ZNF583: variants seen among roughly 807,000 people sequenced by gnomAD.
ZNF583 encodes the protein zinc finger protein L3-5.
In ZNF583, 30 loss-of-function variants were observed where a neutral mutation model predicts 55.3. The observed-to-expected ratio is 0.54, with a 90% CI of 0.41 to 0.74. The LOEUF (loss-of-function observed/expected upper bound fraction) is 0.74, where lower values mean the gene tolerates loss of function less well. ZNF583 is among the 30% of genes least tolerant of loss of function. ZNF583 has a pLI of 0.00. For missense variants in ZNF583, 504 were observed against 664.7 expected, an observed-to-expected ratio of 0.76 and a Z score of 2.66; for synonymous variants, 208 against 220.0, an observed-to-expected ratio of 0.95 and a Z score of 0.48.
chr19:56,426,998 A>G lies in ZNF583; in HGVS notation c.*2630A>G, dbSNP rs182992513. The G allele has an allele frequency of 2.6e-5, 4 of 152,242 alleles. No homozygotes were observed. In the East Asian group the frequency reaches 7.7e-4, roughly 29 times the overall value. 9.4% of individuals were successfully genotyped at this position (152,242 alleles called of 1,614,324 possible). ...GAAATAATTTTGTAAAAGGCAAAAC[A>G]GGGAAGAGTGTTCATGAATTGTAGC... On this transcript the variant is annotated 3_prime_UTR_variant, in exon 5 of 5. Coordinates refer to ENST00000333201, the MANE Select transcript of ZNF583 (RefSeq NM_152478.3).
chr19:56,405,360 TACA>T (rs902056421), intron 1 of ZNF583, among the ~76,000 whole-genome samples: 4 of 152,132 alleles, frequency 2.6e-5, no homozygotes, highest in African/African-American at 9.7e-5. Flanking sequence ...CAGGGCGGGC[TACA>T]ATGTGGGGGC....
intron 4 of ZNF583, 68 bp downstream of exon 4, chr19:56,414,508 C>T: frequency 6.9e-7 from 1 of 1,447,520 alleles, no homozygotes; most frequent in East Asian, 2.3e-5. Flanking sequence ...TGAAAGATTT[C>T]AGTTCATAAT....
intron 4 of ZNF583, among the ~76,000 whole-genome samples, chr19:56,421,683 T>C (rs541728801): frequency 4.3e-4 from 66 of 152,324 alleles, no homozygotes; most frequent in African/African-American, 1.5e-3. Flanking sequence ...TTATGTCTTA[T>C]TGATTCAGTA....
rs2147624900 is a variant in ZNF583, at chr19:56,426,708, T to C, written c.*2340T>C. 1 of 152,204 alleles carries C rather than the reference T, an allele frequency of 6.6e-6. No individual in the cohort carries two copies. Among genetic ancestry groups the C allele is most frequent in the South Asian group, 2.1e-4 (1 of 4,826 alleles). The allele number at this position is 152,204 out of a possible 1,614,324, so 9.4% of individuals were successfully genotyped here. ...AGAAATACAGTTTAGGCCAATGAAA[T>C]ACTATTTTTTTCAATATCAGATTAA... On this transcript the variant is annotated 3_prime_UTR_variant, in exon 5 of 5. Coordinates refer to ENST00000333201, the MANE Select transcript of ZNF583 (RefSeq NM_152478.3).
At chr19:56,406,428 G>A (rs572076540) in intron 1 of ZNF583, among the ~76,000 whole-genome samples, 131 of 152,118 alleles carry the variant, frequency 8.6e-4, no homozygotes, top group Non-Finnish European at 1.4e-3. Flanking sequence ...ATGTGTGAAA[G>A]AGGGGGAAAT....
At chr19:56,413,925 C>G (rs2042276442) in intron 2 of ZNF583, 34 bp from the exon 3 acceptor site, 1 of 1,613,146 alleles carries the variant, frequency 6.2e-7, no homozygotes, top group South Asian at 1.1e-5. Flanking sequence ...GATATGAACA[C>G]TAGTTGAGCA....
At chr19:56,414,559 G>A in intron 4 of ZNF583, 119 bp downstream of exon 4, 2 of 850,282 alleles carry the variant, frequency 2.4e-6, no homozygotes, top group South Asian at 3.4e-5. Context: ...CTCAAAGCCT[G>A]GGAAGAAATA....
upstream of ZNF583, chr19:56,404,234 G>C (rs1046863144): frequency 4.6e-5 from 7 of 152,740 alleles, no homozygotes; most frequent in African/African-American, 1.4e-4. The surrounding 1 kb of genome is among the most constrained non-coding windows in gnomAD (Gnocchi z 5.2). Context: ...TGAGCGGCGG[G>C]ATCTGCGGCC....
At chr19:56,407,207 C>G (rs2042167773) in intron 2 of ZNF583, 84 bp downstream of exon 2, 1 of 1,493,202 alleles carries the variant, frequency 6.7e-7, no homozygotes, top group South Asian at 1.1e-5. Flanking sequence ...TTCCAAAATT[C>G]TGCAACCTAA....
chr19:56,426,571 A>T lies in ZNF583; in HGVS notation c.*2203A>T, dbSNP rs745597908. ...TCATATCCTTAACATAAAATTGCTC[A>T]TAAAAATCCCTTAGGAAATGACGCT... On this transcript the variant is annotated 3_prime_UTR_variant, in exon 5 of 5. Coordinates refer to ENST00000333201, the MANE Select transcript of ZNF583 (RefSeq NM_152478.3). 1 of 152,212 alleles carries T rather than the reference A, an allele frequency of 6.6e-6. No homozygotes were observed. The highest frequency in any genetic ancestry group is 2.1e-4 in the South Asian group (1 of 4,832). 9.4% of individuals were successfully genotyped at this position (152,212 alleles called of 1,614,324 possible).
At chr19:56,415,750 G>C (rs1445523002) in intron 4 of ZNF583, among the ~76,000 whole-genome samples, 1 of 152,014 alleles carries the variant, frequency 6.6e-6, no homozygotes, top group Non-Finnish European at 1.5e-5. Flanking sequence ...ATTTTAAGTA[G>C]AGATGGGGTT....
intron 3 of ZNF583, 59 bp from the exon 4 acceptor site, chr19:56,414,286 G>A (rs930649950): frequency 6.3e-7 from 1 of 1,576,506 alleles, no homozygotes; most frequent in African/African-American, 1.3e-5. Context: ...TCTTGATGAT[G>A]CAGAAACTTG....
At chr19:56,415,259 G>T (rs898784746) in intron 4 of ZNF583, among the ~76,000 whole-genome samples, 1 of 152,072 alleles carries the variant, frequency 6.6e-6, no homozygotes, top group East Asian at 1.9e-4. Context: ...ACTAGAAGAT[G>T]ATAACACTTA....
At chr19:56,414,615 A>G (rs1568807673) in intron 4 of ZNF583, 175 bp downstream of exon 4, 2 of 583,206 alleles carry the variant, frequency 3.4e-6, no homozygotes, top group South Asian at 4.3e-5. Context: ...CTCTCTGTCT[A>G]TATTCTCTCA....
intron 1 of ZNF583, among the ~76,000 whole-genome samples, chr19:56,405,945 G>A (rs889573053): frequency 5.3e-5 from 8 of 152,186 alleles, no homozygotes; most frequent in Non-Finnish European, 1.2e-4. Flanking sequence ...CTTAAGCCTA[G>A]TAGTTCTTAC....
Position 56,423,962 on chromosome 19 carries a change from C to T in ZNF583, c.1304C>T (p.Pro435Leu), listed in dbSNP as rs756344880. 1 of 1,613,984 alleles carries T rather than the reference C, an allele frequency of 6.2e-7. No individual in the cohort carries two copies. The highest frequency in any genetic ancestry group is 8.5e-7 in the Non-Finnish European group (1 of 1,179,986). ...CAGAGGGTTCATACTGGAGAGAAAC[C>T]CTATGAATGTATTGAATGTGGGAAG... ...QHQRVHTGEK[P>L]YECIECGKAF... The change falls in exon 5 of 5, where the codon CCC becomes CTC. Residue 435 changes from proline to leucine, a missense_variant. By Grantham distance (98) the Pro-to-Leu change is moderately conservative. This residue lies in a region of ZNF583 where 237 missense variants were observed against 373.0 expected (regional missense o/e 0.64). Coordinates refer to ENST00000333201, the MANE Select transcript of ZNF583 (RefSeq NM_152478.3).
At chr19:56,410,953 G>A (rs1179833549) in intron 2 of ZNF583, among the ~76,000 whole-genome samples, 1 of 151,840 alleles carries the variant, frequency 6.6e-6, no homozygotes, top group Non-Finnish European at 1.5e-5. Flanking sequence ...GCATGGGGGT[G>A]AAAGACTTCC....
At chr19:56,409,752 T>G (rs182706208) in intron 2 of ZNF583, among the ~76,000 whole-genome samples, 19 of 152,354 alleles carry the variant, frequency 1.2e-4, no homozygotes, top group African/African-American at 4.6e-4. Context: ...CTTAATCTTT[T>G]AGTGTTTATT....
chr19:56,421,118 G>C (rs947378931), intron 4 of ZNF583, among the ~76,000 whole-genome samples: 3 of 152,108 alleles, frequency 2.0e-5, no homozygotes, highest in Non-Finnish European at 2.9e-5. Flanking sequence ...GAATTTATTA[G>C]AAACGAAGAT....
Sources: allele counts gnomAD v4.1 joint callset (sites outside exome capture counted in the v4.1 genomes callset), GRCh38; gene constraint gnomAD v4.1.1; regional missense constraint gnomAD v4.1.1; non-coding constraint Gnocchi (gnomAD v3.1); transcripts MANE v1.5; gene names NCBI Gene and HGNC (gene_info 2026-07-23, HGNC 2026-07-21).